MYO16: variants seen among roughly 807,000 people sequenced by gnomAD.
The protein encoded by MYO16 is myosin XVI.
A neutral mutation model predicts 205.3 loss-of-function variants in MYO16; 94 were observed. The observed-to-expected ratio is 0.46, with a 90% confidence interval of 0.39 to 0.54. The LOEUF is 0.54. Among genes scored for constraint, MYO16 ranks in the 20% least tolerant of loss-of-function variants. The probability of loss-of-function intolerance (pLI) is 0.00; values close to 1 mark genes in which losing one functional copy is unlikely to be tolerated. For missense variants in MYO16, 2,315 were observed against 2,387.5 expected, an observed-to-expected ratio of 0.97 and a Z score of 0.63; for synonymous variants, 988 against 954.0, an observed-to-expected ratio of 1.04 and a Z score of -0.66.
At chr13:109,044,703 A>C (rs138988144) in intron 23 of MYO16, among the ~76,000 whole-genome samples, 358 of 152,292 alleles carry the variant, frequency 2.4e-3, no homozygotes, top group African/African-American at 8.3e-3. Flanking sequence ...CACTATTTGT[A>C]ACCCCTTATA....
chr13:109,196,941 G>A (rs1297822357), intron 34 of MYO16, among the ~76,000 whole-genome samples: 1 of 152,200 alleles, frequency 6.6e-6, no homozygotes, highest in African/African-American at 2.4e-5. Context: ...AACTGTCAGA[G>A]AGCCTGTGCA....
At chr13:109,105,962 G>A (rs999973788) in intron 28 of MYO16, among the ~76,000 whole-genome samples, 7 of 152,182 alleles carry the variant, frequency 4.6e-5, no homozygotes, top group African/African-American at 1.2e-4. Context: ...AATCTTTCAC[G>A]TTGGTGGCTT....
At chr13:108,598,587 C>T (rs972107931) in intron 1 of MYO16, among the ~76,000 whole-genome samples, 5 of 152,154 alleles carry the variant, frequency 3.3e-5, no homozygotes, top group African/African-American at 1.2e-4. Flanking sequence ...AAAGTGTCCA[C>T]TTTCTGTTCC....
At chr13:108,503,026 GT>G in the MYO16 span, among the ~76,000 whole-genome samples, 3 of 152,118 alleles carry the variant, frequency 2.0e-5, no homozygotes, top group Non-Finnish European at 4.4e-5. Context: ...GTAGAAACAA[GT>G]TTTCTGGAGT....
the MYO16 span, among the ~76,000 whole-genome samples, chr13:108,575,734 A>T: frequency 3.0e-4 from 46 of 152,246 alleles, no homozygotes; most frequent in Admixed American, 1.4e-3. Context: ...GCCCGCGTAT[A>T]CATTTCTTCT....
At chr13:108,850,757 A>T (rs1877819400) in intron 10 of MYO16, among the ~76,000 whole-genome samples, 1 of 152,170 alleles carries the variant, frequency 6.6e-6, no homozygotes, top group Admixed American at 6.5e-5. Flanking sequence ...TCATTTTGGA[A>T]TCTTGACGTG....
chr13:108,746,781 G>A (rs902658406), intron 4 of MYO16, among the ~76,000 whole-genome samples: 2 of 152,094 alleles, frequency 1.3e-5, no homozygotes, highest in African/African-American at 4.8e-5. Flanking sequence ...GATCCGAGAT[G>A]CTCAGAGAAC....
intron 1 of MYO16, among the ~76,000 whole-genome samples, chr13:108,623,479 G>A (rs936357049): frequency 1.1e-4 from 17 of 152,214 alleles, no homozygotes; most frequent in African/African-American, 3.1e-4. Flanking sequence ...CCTATGATCC[G>A]TTTTAATGGC....
intron 34 of MYO16, among the ~76,000 whole-genome samples, chr13:109,194,433 T>A (rs540514280): frequency 6.6e-6 from 1 of 152,154 alleles, no homozygotes; most frequent in Non-Finnish European, 1.5e-5. Context: ...GATAATGATA[T>A]TGAACCTGCA....
chr13:108,997,343 AGAGAGAGAGAGAG>A, intron 21 of MYO16, among the ~76,000 whole-genome samples: 3 of 3,268 alleles, frequency 9.2e-4, no homozygotes, highest in African/African-American at 3.6e-3. Context: ...AAAGAAAGAG[AGAGAGAGAGAGAG>A]AGAGAGAGAG....
chr13:108,768,287 A>G (rs1308848887), intron 4 of MYO16, among the ~76,000 whole-genome samples: 1 of 152,162 alleles, frequency 6.6e-6, no homozygotes, highest in Non-Finnish European at 1.5e-5. Context: ...TAGTTTCATC[A>G]GCCTACTGCC....
At chr13:108,828,887 T>C (rs1876440104) in intron 9 of MYO16, among the ~76,000 whole-genome samples, 1 of 152,196 alleles carries the variant, frequency 6.6e-6, no homozygotes, top group Non-Finnish European at 1.5e-5. Flanking sequence ...TCAGAAGCTC[T>C]GCATTTGGGA....
chr13:109,062,649 A>T (rs1887628969), intron 27 of MYO16, among the ~76,000 whole-genome samples: 1 of 152,140 alleles, frequency 6.6e-6, no homozygotes, highest in African/African-American at 2.4e-5. Flanking sequence ...ATATTGATTC[A>T]TAGAGAGATT....
chr13:109,054,147 C>T (rs12430768), intron 25 of MYO16, among the ~76,000 whole-genome samples: 5,361 of 151,950 alleles, frequency 0.035, 141 homozygotes, highest in South Asian at 0.057. Context: ...AATTACCTTC[C>T]GCCCTTTATT....
intron 9 of MYO16, among the ~76,000 whole-genome samples, chr13:108,828,687 C>G (rs780617048): frequency 1.6e-4 from 24 of 152,078 alleles, no homozygotes; most frequent in Non-Finnish European, 2.6e-4. Flanking sequence ...TTAAAACCAG[C>G]CCAACCTCCA....
intron 10 of MYO16, among the ~76,000 whole-genome samples, chr13:108,849,426 G>C (rs536162024): frequency 9.6e-4 from 146 of 151,954 alleles, no homozygotes; most frequent in Non-Finnish European, 1.8e-3. Flanking sequence ...CCTGACCTCA[G>C]GTGATCTGCC....
Position 108,674,986 on chromosome 13 carries a change from A to T in MYO16, c.292+8837A>T, listed in dbSNP as rs377728558. 2.0e-3 allele frequency among the ~76,000 whole-genome samples: 303 copies of T among 152,290 alleles called. 7 individuals carry two copies. The South Asian group carries it at 0.061, about 31-fold the overall frequency. On this transcript the variant is annotated intron_variant, in intron 2 of 34. Coordinates refer to ENST00000457511, the MANE Select transcript of MYO16 (RefSeq NM_001198950.3). ...GCACCAAGCCTAGCAGAGAGAGGGA[A>T]GTGGCAGCTTCATCAGCGTCACTCC...
At chr13:108,900,515 T>G (rs1464342980) in intron 15 of MYO16, among the ~76,000 whole-genome samples, 1 of 152,196 alleles carries the variant, frequency 6.6e-6, no homozygotes, top group Non-Finnish European at 1.5e-5. Context: ...GTTCCCCAAA[T>G]TAATACTTTT....
chr13:108,826,810 T>A (rs185733281), intron 9 of MYO16, among the ~76,000 whole-genome samples: 10 of 152,126 alleles, frequency 6.6e-5, no homozygotes, highest in Admixed American at 6.6e-4. Flanking sequence ...AAAAGCCAAA[T>A]GGAAACCACC....
Sources: allele counts gnomAD v4.1 joint callset (sites outside exome capture counted in the v4.1 genomes callset), GRCh38; gene constraint gnomAD v4.1.1; transcripts MANE v1.5; gene names NCBI Gene and HGNC (gene_info 2026-07-23, HGNC 2026-07-21).